The following SLC17A1 variants were observed in gnomAD, a reference collection of about 807,000 sequenced individuals.
SLC17A1 encodes the protein solute carrier family 17 member 1.
In SLC17A1, 51 loss-of-function variants were observed where a neutral mutation model predicts 53.5. The observed-to-expected ratio is 0.95, with a 90% CI of 0.76 to 1.20. SLC17A1 has a LOEUF of 1.20. SLC17A1 is among the 50% of genes most tolerant of loss of function. The probability of loss-of-function intolerance (pLI) is 0.00; values close to 1 mark genes in which losing one functional copy is unlikely to be tolerated. For missense variants in SLC17A1, 538 were observed against 568.2 expected (o/e 0.95, Z 0.54); for synonymous variants, 179 against 198.8 (o/e 0.90, Z 0.84).
chr6:25,831,603 A>T (rs1311547672), intron 1 of SLC17A1, among the ~76,000 whole-genome samples: 1 of 152,084 alleles, frequency 6.6e-6, no homozygotes, highest in East Asian at 1.9e-4. Flanking sequence ...TAAATACGTT[A>T]CAATACTGCA....
chr6:25,781,372 A>T (rs1763265811), downstream of SLC17A1, among the ~76,000 whole-genome samples: 1 of 152,166 alleles, frequency 6.6e-6, no homozygotes, highest in South Asian at 2.1e-4. Flanking sequence ...TTCCAAAAAA[A>T]GTGAGTAGTT....
At chr6:25,740,037 T>G in the SLC17A1 span, among the ~76,000 whole-genome samples, 1 of 152,188 alleles carries the variant, frequency 6.6e-6, no homozygotes, top group South Asian at 2.1e-4. Context: ...ATACTAGCCT[T>G]GCACCTTCCT....
At chr6:25,789,305 G>A (rs923701119) in intron 12 of SLC17A1, among the ~76,000 whole-genome samples, 4 of 152,040 alleles carry the variant, frequency 2.6e-5, no homozygotes, top group African/African-American at 9.7e-5. Flanking sequence ...AACAAAAATA[G>A]TAATATATTA....
chr6:25,822,880 T>C (rs1185168816), intron 3 of SLC17A1, among the ~76,000 whole-genome samples: 1 of 152,160 alleles, frequency 6.6e-6, no homozygotes, highest in African/African-American at 2.4e-5. Context: ...TATATATATT[T>C]GTGAAGCTAT....
the SLC17A1 span, chr6:25,726,216 G>T: frequency 1.2e-6 from 2 of 1,612,006 alleles, no homozygotes; most frequent in Non-Finnish European, 1.7e-6. Context: ...CTCCGCCCTG[G>T]GCAATGGTCA....
At chr6:25,767,681 G>A in the SLC17A1 span, among the ~76,000 whole-genome samples, 10 of 152,216 alleles carry the variant, frequency 6.6e-5, no homozygotes, top group Admixed American at 6.5e-4. Context: ...GTGGTGTAAT[G>A]TGAGAAGCAG....
the SLC17A1 span, chr6:25,727,014 A>C: frequency 6.2e-7 from 1 of 1,614,220 alleles, no homozygotes; most frequent in Non-Finnish European, 8.5e-7. Flanking sequence ...GAGGACCCGT[A>C]AGGAGAGTTA....
the SLC17A1 span, chr6:25,773,381 A>C: frequency 6.2e-7 from 1 of 1,613,822 alleles, no homozygotes; most frequent in African/African-American, 1.3e-5. Flanking sequence ...TTGTGTGTTC[A>C]TTGGCTCAGC....
rs908718524 is a variant in SLC17A1, at chr6:25,813,163, C to T, written c.667G>A (p.Asp223Asn). 2 of 1,614,090 alleles carry T rather than the reference C, an allele frequency of 1.2e-6. No individual in the cohort carries two copies. The highest frequency in any genetic ancestry group is 8.5e-7 in the Non-Finnish European group (1 of 1,180,020). Residue 223 changes from aspartate (D) to asparagine (N), a missense_variant, in exon 7 of 13, where the codon GAC (aspartate) becomes AAC (asparagine). Asp to Asn is a conservative substitution (Grantham distance 23). Coordinates refer to ENST00000244527, the MANE Select transcript of SLC17A1 (RefSeq NM_005074.5). ...CTTATACATGGGTGGTCTTTGGGGTCATCATAAAACAGAACGAACCAGAGA... is the reference window on the plus strand; with the variant it reads ...CTTATACATGGGTGGTCTTTGGGGTTATCATAAAACAGAACGAACCAGAGA... ...CLLWFVLFYDDPKDHPCISIS... is the reference protein window; with the variant it reads ...CLLWFVLFYDNPKDHPCISIS...
the SLC17A1 span, chr6:25,727,336 G>A: frequency 1.3e-6 from 2 of 1,524,550 alleles, no homozygotes; most frequent in Non-Finnish European, 1.8e-6. Flanking sequence ...GCTCTTTTCA[G>A]AGCCACTTAA....
At chr6:25,737,090 T>C in the SLC17A1 span, among the ~76,000 whole-genome samples, 1 of 152,216 alleles carries the variant, frequency 6.6e-6, no homozygotes, top group Non-Finnish European at 1.5e-5. Context: ...GTAAAACTAA[T>C]GAAAGCCTAC....
chr6:25,818,065 C>A (rs1175088426), intron 6 of SLC17A1, among the ~76,000 whole-genome samples: 1 of 152,156 alleles, frequency 6.6e-6, no homozygotes, highest in Non-Finnish European at 1.5e-5. Context: ...CCTTCTTCAC[C>A]TTACTTTGGC....
the SLC17A1 span, among the ~76,000 whole-genome samples, chr6:25,757,921 C>T: frequency 2.6e-5 from 4 of 152,158 alleles, no homozygotes; most frequent in Non-Finnish European, 4.4e-5. Flanking sequence ...CTTTTGGGGT[C>T]GTGTGGCTTC....
the SLC17A1 span, among the ~76,000 whole-genome samples, chr6:25,752,600 A>G: frequency 6.6e-6 from 1 of 152,212 alleles, no homozygotes. Flanking sequence ...ATGTTTTTAA[A>G]CTTTTTGACT....
the SLC17A1 span, chr6:25,726,688 A>T: frequency 9.2e-7 from 1 of 1,087,398 alleles, no homozygotes; most frequent in Middle Eastern, 3.0e-4. Context: ...CATTCACGCC[A>T]CTTCCCATTG....
At chr6:25,752,112 G>A in the SLC17A1 span, among the ~76,000 whole-genome samples, 2 of 152,188 alleles carry the variant, frequency 1.3e-5, no homozygotes, top group Admixed American at 6.5e-5. Context: ...ATACAAACAC[G>A]CGACGCTTAA....
At chr6:25,814,983 T>TCTCTCACA (rs773502408) in intron 6 of SLC17A1, among the ~76,000 whole-genome samples, 15 of 140,434 alleles carry the variant, frequency 1.1e-4, no homozygotes, top group African/African-American at 2.9e-4. Context: ...CAAGACTCTG[T>TCTCTCACA]CACACAAACA....
the SLC17A1 span, chr6:25,777,058 G>C: frequency 1.1e-5 from 15 of 1,345,226 alleles, no homozygotes; most frequent in Non-Finnish European, 1.4e-5. Context: ...AGGTACAACA[G>C]GTTGCAGGAA....
chr6:25,760,803 T>A, the SLC17A1 span, among the ~76,000 whole-genome samples: 1 of 152,214 alleles, frequency 6.6e-6, no homozygotes, highest in Non-Finnish European at 1.5e-5. Flanking sequence ...AGTATCTTTC[T>A]TAAATCTGCC....
Sources: gnomAD v4.1 joint callset for allele counts (sites outside exome capture counted in the v4.1 genomes callset) on GRCh38, gnomAD v4.1.1 for gene constraint, MANE v1.5 for transcripts, NCBI Gene and HGNC (gene_info 2026-07-23, HGNC 2026-07-21) for gene names.